The following OR2T10 variants were observed in gnomAD, a reference collection of about 807,000 sequenced individuals.
OR2T10 encodes the protein olfactory receptor 2T10.
For missense variants in OR2T10, 335 were observed against 382.5 expected, an observed-to-expected ratio of 0.88 and a Z score of 1.04; for synonymous variants, 125 against 141.8, an observed-to-expected ratio of 0.88 and a Z score of 0.84.
chr1:248,593,078 C>A lies in OR2T10; in HGVS notation c.691G>T (p.Val231Phe). The A allele has an allele frequency of 3.8e-6, 6 of 1,572,206 alleles. 1 individual carries two copies. The highest frequency in any genetic ancestry group is 3.0e-5 in the African/African-American group (2 of 66,724). Residue 231 changes from valine to phenylalanine, a missense_variant, in exon 2 of 2, where the codon GTT becomes TTT. Val to Phe is a conservative substitution (Grantham distance 50). Transcript: ENST00000642090. Reference protein sequence around the residue: ...IILTIHKMNSVEGRKKAFTTC... With the variant: ...IILTIHKMNSFEGRKKAFTTC... ...GTGAAGGCCTTTTTCCGACCCTCAA[C>A]TGAGTTCATCTTATGGATGGTGAGG...
chr1:248,592,966 G>A lies in OR2T10; in HGVS notation c.803C>T (p.Pro268Leu). The A allele has an allele frequency of 3.2e-6, 5 of 1,570,426 alleles. 1 individual carries two copies. The highest frequency in any genetic ancestry group is 1.1e-5 in the South Asian group (1 of 88,840). ...AAAGGATGACATCATATCTTTCTCA[G>A]GAGTTTGGTAGGAGCTGGGGAGCAT... ...NYMLPSSYQT[P>L]EKDMMSSFFY... Residue 268 changes from proline to leucine, a missense_variant, in exon 2 of 2, where the codon CCT (proline) becomes CTT (leucine). Coordinates refer to ENST00000642090, the MANE Select transcript of OR2T10 (RefSeq NM_001004693.2).
chr1:248,594,211 C>T (rs1434572431), intron 1 of OR2T10, among the ~76,000 whole-genome samples: 1 of 142,788 alleles, frequency 7.0e-6, no homozygotes, highest in Non-Finnish European at 1.5e-5. Context: ...AGAGTCATGT[C>T]TGCAAAAAAG....
Position 248,591,448 on chromosome 1 carries a change from G to C in OR2T10, c.*1382C>G, listed in dbSNP as rs745800720. On this transcript the variant is annotated 3_prime_UTR_variant, in exon 2 of 2. Transcript: ENST00000642090. Reference sequence around the variant, plus strand: ...ATGTATCCTCAGTTTGTAGAACGGGGCCTGGCAAACTATAGGGGCTCAGTA... The same window carrying C: ...ATGTATCCTCAGTTTGTAGAACGGGCCCTGGCAAACTATAGGGGCTCAGTA... The C allele has an allele frequency of 6.9e-6, 1 of 144,022 alleles. No homozygotes were observed. The highest frequency in any genetic ancestry group is 2.2e-4 in the South Asian group (1 of 4,610). The allele number at this position is 144,022 out of a possible 1,614,324, so 8.9% of individuals were successfully genotyped here.
At chr1:248,597,424 A>G (rs1408574879) in intron 1 of OR2T10, 68 bp downstream of exon 1, 1 of 143,180 alleles carries the variant, frequency 7.0e-6, no homozygotes, top group Non-Finnish European at 1.5e-5. Flanking sequence ...ATTAATATCA[A>G]TTGATAATAT....
Position 248,593,348 on chromosome 1 carries a change from A to G in OR2T10, c.421T>C (p.Cys141Arg). 6.4e-7 allele frequency: 1 copy of G among 1,573,362 alleles called. No individual in the cohort carries two copies. Among genetic ancestry groups the G allele is most frequent in the Non-Finnish European group, 8.6e-7 (1 of 1,157,110 alleles). The change falls in exon 2 of 2, where the codon TGT becomes CGT. Residue 141 changes from cysteine (C) to arginine (R), a missense_variant. Coordinates refer to ENST00000642090, the MANE Select transcript of OR2T10 (RefSeq NM_001004693.2). ...RYSVLMSHRV[C>R]LLLASGCWFV... ...CAGCAGCCTGATGCCAGGAGGAGAC[A>G]TACCCTATGGCTCATGAGCACAGAG...
rs767186054 is a variant in OR2T10 at position 248,592,876 on chromosome 1, G to T, written c.893C>A (p.Thr298Lys). Reference sequence around the variant, plus strand: ...GCTCAGCATTTTTTTCAAAGCCCTTGTGACATCCTTATTCCTGAAACTGTA... The same window carrying T: ...GCTCAGCATTTTTTTCAAAGCCCTTTTGACATCCTTATTCCTGAAACTGTA... ...IIYSFRNKDV[T>K]RALKKMLSVQ... Residue 298 changes from threonine to lysine, a missense_variant, in exon 2 of 2, where the codon ACA (threonine) becomes AAA (lysine). Coordinates refer to ENST00000642090, the MANE Select transcript of OR2T10 (RefSeq NM_001004693.2). 5 of 1,566,512 alleles carry T rather than the reference G, an allele frequency of 3.2e-6. No individual in the cohort carries two copies. Among genetic ancestry groups the T allele is most frequent in the Non-Finnish European group, 4.3e-6 (5 of 1,152,684 alleles).
At position 248,596,382 on chromosome 1, in the gene OR2T10, A is replaced by G. The variant is rs1286879318; in HGVS notation, c.-29+1110T>C. 4.9e-5 allele frequency among the ~76,000 whole-genome samples: 7 copies of G among 143,012 alleles called. 3 individuals carry two copies. Among genetic ancestry groups the G allele is most frequent in the Non-Finnish European group, 1.1e-4 (7 of 66,174 alleles). 93.8% of individuals were successfully genotyped at this position (143,012 alleles called of 152,430 possible). A position where few individuals can be genotyped will look rare whatever the true frequency, so the allele number is the denominator to read the frequency against. ...TGAACAGGTGGTTTACAATGAGTATAATTATGCAAATCAGCAGTGAGATGG... is the reference window on the plus strand; with the variant it reads ...TGAACAGGTGGTTTACAATGAGTATGATTATGCAAATCAGCAGTGAGATGG... On this transcript the variant is annotated intron_variant, in intron 1 of 1. Coordinates refer to ENST00000642090, the MANE Select transcript of OR2T10 (RefSeq NM_001004693.2).
In OR2T10 at chr1:248,595,779, TTATTTAG is replaced by T. The variant is rs576587143; in HGVS notation, c.-29+1706_-29+1712del. 3.4e-4 allele frequency among the ~76,000 whole-genome samples: 42 copies of T among 124,420 alleles called. 3 individuals carry two copies. The highest frequency in any genetic ancestry group is 6.1e-4 in the Non-Finnish European group (38 of 62,054). 81.6% of individuals were successfully genotyped at this position (124,420 alleles called of 152,430 possible). A position where few individuals can be genotyped will look rare whatever the true frequency, so the allele number is the denominator to read the frequency against. ...AATAAACTTCAAAAATTCAGTGGAA[TTATTTAG>T]TAGATTCCAAAAGACAATGAAGCAA... On this transcript the variant is annotated intron_variant, in intron 1 of 1. Coordinates refer to ENST00000642090, the MANE Select transcript of OR2T10 (RefSeq NM_001004693.2).
Position 248,596,931 on chromosome 1 carries a change from C to A in OR2T10, c.-29+561G>T, listed in dbSNP as rs1405232852. ...CTTCCTGTTTTGGAGTCTGGGAGAT[C>A]AGTTATTTAAAAACAAGGGGAAAAA... On this transcript the variant is annotated intron_variant, in intron 1 of 1. Coordinates refer to ENST00000642090, the MANE Select transcript of OR2T10 (RefSeq NM_001004693.2). Among the ~76,000 whole-genome samples the A allele has an allele frequency of 1.4e-5, 2 of 141,648 alleles. 1 individual carries two copies. Among genetic ancestry groups the A allele is most frequent in the Non-Finnish European group, 3.0e-5 (2 of 65,864 alleles). The allele number at this position is 141,648 out of a possible 152,430, so 92.9% of individuals were successfully genotyped here. A position where few individuals can be genotyped will look rare whatever the true frequency, so the allele number is the denominator to read the frequency against.
Position 248,592,850 on chromosome 1 carries a change from C to T in OR2T10, c.919G>A (p.Val307Met), listed in dbSNP as rs201928650. The T allele has an allele frequency of 1.4e-4, 214 of 1,546,246 alleles. 18 individuals carry two copies. Among genetic ancestry groups the T allele is most frequent in the East Asian group, 7.1e-4 (31 of 43,498 alleles). The change falls in exon 2 of 2, where the codon GTG becomes ATG. Residue 307 changes from valine (V) to methionine (M), a missense_variant. Coordinates refer to ENST00000642090, the MANE Select transcript of OR2T10 (RefSeq NM_001004693.2). ...VTRALKKMLSVQKPPY is the reference protein window; with the variant it reads ...VTRALKKMLSMQKPPY ...ACACTTTAATATGGAGGTTTCTGCA[C>T]GCTCAGCATTTTTTTCAAAGCCCTT... is the stretch of plus-strand genomic sequence containing the variant.
At position 248,591,838 on chromosome 1, in the gene OR2T10, A is replaced by C. The variant is rs1198546710; in HGVS notation, c.*992T>G. On this transcript the variant is annotated 3_prime_UTR_variant, in exon 2 of 2. Coordinates refer to ENST00000642090, the MANE Select transcript of OR2T10 (RefSeq NM_001004693.2). ...TGGGTTTCAGTTAAATCAACTGTAG[A>C]ATAAGGCTAATAATAGGCTGTGAAA... 1.4e-5 allele frequency: 2 copies of C among 144,192 alleles called. No individual in the cohort carries two copies. Among genetic ancestry groups the C allele is most frequent in the East Asian group, 4.0e-4 (2 of 4,998 alleles). The allele number at this position is 144,192 out of a possible 1,614,324, so 8.9% of individuals were successfully genotyped here. A position where few individuals can be genotyped will look rare whatever the true frequency, so the allele number is the denominator to read the frequency against.
rs1449796665 is a variant in OR2T10, at chr1:248,594,340, C to G, written c.-28-544G>C. ...TTGTAAACATTTTAAACATAAAATT[C>G]CAAACCCTTATATAACGTTACAAAT... On this transcript the variant is annotated intron_variant, in intron 1 of 1. Transcript: ENST00000642090. Among the ~76,000 whole-genome samples, 6 of 143,258 alleles carry G rather than the reference C, an allele frequency of 4.2e-5. 1 individual carries two copies. Among genetic ancestry groups the G allele is most frequent in the Non-Finnish European group, 6.0e-5 (4 of 66,240 alleles). The allele number at this position is 143,258 out of a possible 152,430, so 94.0% of individuals were successfully genotyped here. A position where few individuals can be genotyped will look rare whatever the true frequency, so the allele number is the denominator to read the frequency against.
rs574279095 is a variant in OR2T10, at chr1:248,590,764, C to G, written c.*2066G>C. The G allele has an allele frequency of 2.1e-5, 3 of 143,274 alleles. 1 individual carries two copies. In the South Asian group the frequency reaches 6.6e-4, roughly 31 times the overall value. The allele number at this position is 143,274 out of a possible 1,614,324, so 8.9% of individuals were successfully genotyped here. On this transcript the variant is annotated 3_prime_UTR_variant, in exon 2 of 2. Transcript: ENST00000642090. ...TACTATAAACATTACAGCATGTACT[C>G]TTGATTTACTAAAGTTTAACACAAA... is the stretch of plus-strand genomic sequence containing the variant.
At position 248,593,225 on chromosome 1, in the gene OR2T10, G is replaced by C. The variant is rs200693876; in HGVS notation, c.544C>G (p.Pro182Ala). ...GAGCAAGAGAGCTTCAAAACAGCAG[G>C]GACCTCACAGAAGAAGTGCTGAATC... ...HEIQHFFCEV[P>A]AVLKLSCSDT... Residue 182 changes from proline (P) to alanine (A), a missense_variant, in exon 2 of 2, where the codon CCT becomes GCT. Transcript: ENST00000642090. 4 of 1,573,270 alleles carry C rather than the reference G, an allele frequency of 2.5e-6. No homozygotes were observed. Among genetic ancestry groups the C allele is most frequent in the Admixed American group, 3.4e-5 (2 of 58,392 alleles).
Position 248,592,989 on chromosome 1 carries a change from C to T in OR2T10, c.780G>A (p.Met260Ile). ...CAGGAGTTTGGTAGGAGCTGGGGAG[C>T]ATGTAGTTGTAAATAGCAGCTCCAT... ...LFYGAAIYNY[M>I]LPSSYQTPEK... The change falls in exon 2 of 2, where the codon ATG becomes ATA. Residue 260 changes from methionine to isoleucine, a missense_variant. Coordinates refer to ENST00000642090, the MANE Select transcript of OR2T10 (RefSeq NM_001004693.2). 1 of 1,572,186 alleles carries T rather than the reference C, an allele frequency of 6.4e-7. No individual in the cohort carries two copies. Among genetic ancestry groups the T allele is most frequent in the South Asian group, 1.1e-5 (1 of 88,880 alleles).
chr1:248,595,427 G>GAC (rs1660076729), intron 1 of OR2T10, among the ~76,000 whole-genome samples: 1 of 142,638 alleles, frequency 7.0e-6, no homozygotes, highest in Non-Finnish European at 1.5e-5. Flanking sequence ...AAGAATTATT[G>GAC]CAATTGGTCA....
At position 248,593,516 on chromosome 1, in the gene OR2T10, G is replaced by A; in HGVS notation, c.253C>T (p.Gln85Ter). Residue 85 changes from glutamine (Q) to a stop codon, truncating the protein, a stop_gained, in exon 2 of 2, where the codon CAG becomes TAG. Coordinates refer to ENST00000642090, the MANE Select transcript of OR2T10 (RefSeq NM_001004693.2). LOFTEE classifies it low-confidence loss of function (END_TRUNC). ...GAGATGGTCTTGTCTTTGGCCAGCT[G>A]GTTCACCAGCATTTTGGGGACAGTG... ...SVTVPKMLVNQLAKDKTISVL... is the reference protein window; with the variant it reads ...SVTVPKMLVN 1.3e-6 allele frequency: 2 copies of A among 1,572,170 alleles called. 1 individual carries two copies. The highest frequency in any genetic ancestry group is 3.0e-5 in the African/African-American group (2 of 66,624).
rs78577349 is a variant in OR2T10 at position 248,591,012 on chromosome 1, C to T, written c.*1818G>A. 2.1e-5 allele frequency: 3 copies of T among 143,070 alleles called. 1 individual carries two copies. In the East Asian group the frequency reaches 6.0e-4, roughly 29 times the overall value. The allele number at this position is 143,070 out of a possible 1,614,324, so 8.9% of individuals were successfully genotyped here. On this transcript the variant is annotated 3_prime_UTR_variant, in exon 2 of 2. Transcript: ENST00000642090. ...TTTTCTATGGCTGAAGAATTTTATC[C>T]ACTTTTGTTTGTTGGAAAAATTTAT...
rs748258260 is a variant in OR2T10, at chr1:248,594,136, C to A, written c.-28-340G>T. On this transcript the variant is annotated intron_variant, in intron 1 of 1. Transcript: ENST00000642090. Reference sequence around the variant, plus strand: ...TTGCATGTTCCTGTATTGCCCAAATCCCATTCCCATGGGATTTTACAGAGC... The same window carrying A: ...TTGCATGTTCCTGTATTGCCCAAATACCATTCCCATGGGATTTTACAGAGC... Among the ~76,000 whole-genome samples the A allele has an allele frequency of 1.5e-4, 21 of 142,962 alleles. 2 individuals carry two copies. Among genetic ancestry groups the A allele is most frequent in the Non-Finnish European group, 3.0e-4 (20 of 66,168 alleles). 93.8% of individuals were successfully genotyped at this position (142,962 alleles called of 152,430 possible). A position where few individuals can be genotyped will look rare whatever the true frequency, so the allele number is the denominator to read the frequency against.
Sources: allele counts gnomAD v4.1 joint callset (sites outside exome capture counted in the v4.1 genomes callset), GRCh38; gene constraint gnomAD v4.1.1; transcripts MANE v1.5; gene names NCBI Gene and HGNC (gene_info 2026-07-23, HGNC 2026-07-21).